Variants in NCKAP1 observed in about 807,000 individuals in gnomAD.
NCKAP1 encodes nck-associated protein 1.
In NCKAP1, 21 loss-of-function variants were observed where a neutral mutation model predicts 151.2. The observed-to-expected ratio is 0.14, with a 90% CI of 0.10 to 0.20. The LOEUF (loss-of-function observed/expected upper bound fraction) is 0.20. NCKAP1 is among the 10% of genes least tolerant of loss of function. NCKAP1 has a pLI of 1.00. For synonymous variants in NCKAP1, 484 were observed against 451.8 expected (o/e 1.07, Z -0.90); for missense variants, 933 against 1,352.1 (o/e 0.69, Z 4.86).
intron 16 of NCKAP1, 99 bp downstream of exon 16, chr2:182,967,117 T>C (rs551147922): frequency 1.8e-6 from 2 of 1,090,182 alleles, no homozygotes; most frequent in East Asian, 5.2e-5. Context: ...GATCTATTAC[T>C]GAACTGTCTT....
At chr2:182,978,790 A>G (rs745394224) in intron 14 of NCKAP1, 44 bp downstream of exon 14, 1 of 1,176,084 alleles carries the variant, frequency 8.5e-7, no homozygotes, top group Non-Finnish European at 1.2e-6. Flanking sequence ...AAGTTTGAAA[A>G]TCTAATTAGA....
At chr2:183,007,526 C>T (rs531223873) in intron 2 of NCKAP1, among the ~76,000 whole-genome samples, 5 of 152,268 alleles carry the variant, frequency 3.3e-5, no homozygotes, top group East Asian at 1.9e-4. Flanking sequence ...TCAGTGCCTA[C>T]GAGCTAAACC....
intron 10 of NCKAP1, among the ~76,000 whole-genome samples, chr2:182,984,404 G>C (rs1169678118): frequency 7.5e-6 from 1 of 132,654 alleles, no homozygotes; most frequent in African/African-American, 2.6e-5. Context: ...CTCCAAGAAA[G>C]TTTTAGAATT....
intron 23 of NCKAP1, among the ~76,000 whole-genome samples, chr2:182,942,469 G>T (rs1009856038): frequency 1.3e-5 from 2 of 152,040 alleles, no homozygotes; most frequent in Admixed American, 1.3e-4. Flanking sequence ...ATAATAAAAA[G>T]TAGACACTAA....
In NCKAP1 at chr2:182,921,305, A is replaced by C. The variant is rs1430874253; in HGVS notation, c.*4397T>G. On this transcript the variant is annotated 3_prime_UTR_variant, in exon 31 of 31. Transcript: ENST00000361354. Reference sequence around the variant, plus strand: ...TTTCCTACTTATTCATGGATTCTAGAAGCTTATTTTATGATGGTAATCTTC... The same window carrying C: ...TTTCCTACTTATTCATGGATTCTAGCAGCTTATTTTATGATGGTAATCTTC... The C allele has an allele frequency of 6.6e-6, 1 of 152,176 alleles. No individual in the cohort carries two copies. The highest frequency in any genetic ancestry group is 1.5e-5 in the Non-Finnish European group (1 of 68,036). The allele number at this position is 152,176 out of a possible 1,614,324, so 9.4% of individuals were successfully genotyped here.
chr2:182,954,030 C>T (rs1697273991), intron 20 of NCKAP1, among the ~76,000 whole-genome samples: 1 of 152,236 alleles, frequency 6.6e-6, no homozygotes, highest in Admixed American at 6.5e-5. Context: ...AAATTACCTA[C>T]AATCCTCACA....
chr2:183,035,486 G>C (rs879924822), intron 1 of NCKAP1, among the ~76,000 whole-genome samples: 1 of 151,962 alleles, frequency 6.6e-6, no homozygotes, highest in Non-Finnish European at 1.5e-5. Context: ...TAATGAAAAT[G>C]TGATAATTGA....
intron 15 of NCKAP1, among the ~76,000 whole-genome samples, chr2:182,974,118 T>C (rs1319042066): frequency 2.6e-5 from 4 of 152,098 alleles, no homozygotes; most frequent in Non-Finnish European, 5.9e-5. Flanking sequence ...TGAGCTGCTT[T>C]TCAATACCTA....
Position 182,980,070 on chromosome 2 carries a change from C to T in NCKAP1, c.1342-1155G>A, listed in dbSNP as rs578138069. On this transcript the variant is annotated intron_variant, in intron 13 of 30. Transcript: ENST00000361354. ...TAAGTAATTCAGGAATTCTGGTTTA[C>T]TTTTTAAACTGTATGCTAGTATGAA... 2.6e-5 allele frequency among the ~76,000 whole-genome samples: 4 copies of T among 152,134 alleles called. 1 individual carries two copies. Among genetic ancestry groups the T allele is most frequent in the African/African-American group, 7.2e-5 (3 of 41,550 alleles).
chr2:183,025,599 C>T (rs1020990736), intron 1 of NCKAP1, among the ~76,000 whole-genome samples: 3 of 152,102 alleles, frequency 2.0e-5, no homozygotes, highest in Non-Finnish European at 4.4e-5. Context: ...GCCAGACTGA[C>T]ATTACTACTA....
chr2:182,998,834 C>CAAAAAA (rs1160835228), intron 6 of NCKAP1, among the ~76,000 whole-genome samples: 4 of 44,496 alleles, frequency 9.0e-5, no homozygotes, highest in South Asian at 1.1e-3. Context: ...AAGACTCCAA[C>CAAAAAA]AAAAAAAAAA....
At chr2:183,023,088 A>G (rs567131859) in intron 2 of NCKAP1, 136 of 152,294 alleles carry the variant, frequency 8.9e-4, no homozygotes, top group African/African-American at 3.1e-3. Context: ...TAACAAGAAA[A>G]TATCAGAGAA....
chr2:182,934,961 T>C (rs1696843647), intron 25 of NCKAP1, 129 bp from the exon 26 acceptor site: 3 of 565,672 alleles, frequency 5.3e-6, no homozygotes, highest in Non-Finnish European at 9.3e-6. Context: ...TTCAGTGATT[T>C]TTCAAAAATT....
intron 24 of NCKAP1, among the ~76,000 whole-genome samples, chr2:182,939,691 C>A (rs533316336): frequency 6.3e-4 from 96 of 151,992 alleles, no homozygotes; most frequent in Non-Finnish European, 1.1e-3. Flanking sequence ...ACATTGACTT[C>A]TGGATATGGA....
At chr2:183,030,890 T>C (rs897558068) in intron 1 of NCKAP1, among the ~76,000 whole-genome samples, 1 of 152,190 alleles carries the variant, frequency 6.6e-6, no homozygotes, top group Admixed American at 6.5e-5. Flanking sequence ...AGTAGTTAGC[T>C]TTCCGATTAT....
At position 182,981,392 on chromosome 2, in the gene NCKAP1, A is replaced by C. The variant is rs1235412318; in HGVS notation, c.1209-16T>G. The C allele has an allele frequency of 6.4e-7, 1 of 1,558,954 alleles. No individual in the cohort carries two copies. The highest frequency in any genetic ancestry group is 1.7e-5 in the Admixed American group (1 of 59,154). The stretch of plus-strand genomic sequence containing the variant: ...AGCAATGTGCCTTTTTTAAAATTTC[A>C]AGAAAAATATTCAAATAATAAATTC... On this transcript the variant is annotated splice_polypyrimidine_tract_variant and intron_variant, in intron 12 of 30. Coordinates refer to ENST00000361354, the MANE Select transcript of NCKAP1 (RefSeq NM_013436.5).
chr2:182,932,558 C>T (rs931907583), intron 26 of NCKAP1, among the ~76,000 whole-genome samples: 7 of 152,034 alleles, frequency 4.6e-5, no homozygotes, highest in African/African-American at 1.7e-4. Flanking sequence ...ACAACTCTGT[C>T]ACTACACTAA....
intron 1 of NCKAP1, 28 bp downstream of exon 1, chr2:183,037,964 C>T: frequency 6.4e-7 from 1 of 1,552,178 alleles, no homozygotes; most frequent in Non-Finnish European, 8.7e-7. Flanking sequence ...CGCCCGCCTC[C>T]GCCGCGGCCT....
chr2:182,915,952 A>G lies in NCKAP1; in HGVS notation c.*9750T>C, dbSNP rs1696460123. ...TTGCCAATGCTTTCACCTTTTGTCT[A>G]TTTATACAAGGGGCTCAGATTCTGC... On this transcript the variant is annotated 3_prime_UTR_variant, in exon 31 of 31. Transcript: ENST00000361354. 1 of 151,972 alleles carries G rather than the reference A, an allele frequency of 6.6e-6. No individual in the cohort carries two copies. 9.4% of individuals were successfully genotyped at this position (151,972 alleles called of 1,614,324 possible).
Sources: gnomAD v4.1 joint callset for allele counts (sites outside exome capture counted in the v4.1 genomes callset) on GRCh38, gnomAD v4.1.1 for gene constraint, MANE v1.5 for transcripts, NCBI Gene and HGNC (gene_info 2026-07-23, HGNC 2026-07-21) for gene names.